Variants in PDXDC1 observed in about 807,000 individuals in gnomAD.
The protein encoded by PDXDC1 is pyridoxal dependent decarboxylase domain containing 1.
A neutral mutation model predicts 100.1 loss-of-function variants in PDXDC1; 42 were observed. The ratio of observed to expected loss-of-function variants is 0.42; its 90% CI spans 0.33 to 0.54. The LOEUF is 0.54. PDXDC1 is among the 20% of genes least tolerant of loss of function. The probability of loss-of-function intolerance (pLI) is 0.10; values close to 1 mark genes in which losing one functional copy is unlikely to be tolerated. For missense variants in PDXDC1, 636 were observed against 979.2 expected (o/e 0.65, Z 4.68); for synonymous variants, 260 against 371.7 (o/e 0.70, Z 3.46).
At chr16:15,040,909 G>C (rs531881092), downstream of PDXDC1, among the ~76,000 whole-genome samples, 2 of 152,298 alleles carry the variant, frequency 1.3e-5, no homozygotes, top group African/African-American at 4.8e-5. Context: ...GAGAAGTTAA[G>C]CTACTTGCCC....
At chr16:14,982,795 T>C (rs1268004209) in intron 1 of PDXDC1, among the ~76,000 whole-genome samples, 1 of 152,272 alleles carries the variant, frequency 6.6e-6, no homozygotes, top group African/African-American at 2.4e-5. Flanking sequence ...GTGTGGTGTT[T>C]GGGGAACTTG....
intron 11 of PDXDC1, 74 bp downstream of exon 11, chr16:15,017,496 A>G: frequency 9.8e-7 from 1 of 1,023,832 alleles, no homozygotes; most frequent in Non-Finnish European, 1.5e-6. Context: ...AAAATCCAGA[A>G]AAATACAGGA....
chr16:14,978,475 C>T (rs118071950), intron 1 of PDXDC1, among the ~76,000 whole-genome samples: 3,587 of 152,384 alleles, frequency 0.024, 46 homozygotes, highest in Non-Finnish European at 0.039. Flanking sequence ...CTGCAACGTC[C>T]GTCTCCAGGG....
In PDXDC1 at chr16:15,018,745, C is replaced by T. The variant is rs370543086; in HGVS notation, c.964-95C>T. On this transcript the variant is annotated intron_variant, in intron 11 of 22. Coordinates refer to ENST00000396410, the MANE Select transcript of PDXDC1 (RefSeq NM_015027.4). ...GCAAGCCTAGTGACTAGTATGGCAT[C>T]TAGCCCACACTAAGTGGGTAGCAAA... The T allele has an allele frequency of 1.1e-4, 114 of 1,069,510 alleles. No homozygotes were observed. The African/African-American group carries it at 1.1e-3, about 11-fold the overall frequency. The allele number at this position is 1,069,510 out of a possible 1,614,324, so 66.3% of individuals were successfully genotyped here.
In PDXDC1 at chr16:15,037,878, TTTGAAAGTCATTTG is replaced by T. The variant is rs1472155494; in HGVS notation, c.*1604_*1617del. The T allele has an allele frequency of 1.1e-5, 6 of 555,316 alleles. No homozygotes were observed. Among genetic ancestry groups the T allele is most frequent in the East Asian group, 5.8e-5 (2 of 34,454 alleles). 34.4% of individuals were successfully genotyped at this position (555,316 alleles called of 1,614,324 possible). A position where few individuals can be genotyped will look rare whatever the true frequency, so the allele number is the denominator to read the frequency against. On this transcript the variant is annotated 3_prime_UTR_variant, in exon 23 of 23. Transcript: ENST00000396410. ...TGCCTTTGCCAAAATAAGGTTTTAT[TTTGAAAGTCATTTG>T]ATGAAAGTCATTTGAAAGACACTGA...
chr16:15,051,498 C>T (rs563510883), intron 16 of PDXDC1, among the ~76,000 whole-genome samples: 8 of 151,224 alleles, frequency 5.3e-5, no homozygotes, highest in Admixed American at 4.6e-4. Flanking sequence ...AGGCATGAGC[C>T]GACACACCTG....
At chr16:15,075,853 C>T (rs954258977) in intron 16 of PDXDC1, among the ~76,000 whole-genome samples, 1 of 152,184 alleles carries the variant, frequency 6.6e-6, no homozygotes, top group African/African-American at 2.4e-5. Flanking sequence ...GCTGTGAGTA[C>T]TGGCGGCCAA....
intron 16 of PDXDC1, chr16:15,074,924 A>G: frequency 6.8e-7 from 1 of 1,467,124 alleles, no homozygotes; most frequent in Non-Finnish European, 9.3e-7. Context: ...TTTAGTAGGA[A>G]AACTGTCATA....
intron 16 of PDXDC1, chr16:15,130,302 T>A (rs1279216166): frequency 2.0e-6 from 3 of 1,533,750 alleles, no homozygotes; most frequent in Non-Finnish European, 2.6e-6. Context: ...CGAGGTCTCC[T>A]CCAGGGGCAG....
intron 9 of PDXDC1, 62 bp downstream of exon 9, chr16:15,016,275 G>A: frequency 6.3e-7 from 1 of 1,576,434 alleles, no homozygotes; most frequent in Non-Finnish European, 8.6e-7. Context: ...ATGAGGACTG[G>A]ACATCCAGGC....
rs888596345 is a variant in PDXDC1 at position 14,975,172 on chromosome 16, C to T, written c.-28C>T. The stretch of plus-strand genomic sequence containing the variant: ...GGGAGGAGGAAGTAGAGCCCGGGAC[C>T]GCCAGGCCACCACCGGCCGCCTCAG... On this transcript the variant is annotated 5_prime_UTR_variant, in exon 1 of 23. Transcript: ENST00000396410. 1.6e-5 allele frequency: 24 copies of T among 1,458,068 alleles called. No individual in the cohort carries two copies. Among genetic ancestry groups the T allele is most frequent in the Middle Eastern group, 2.5e-4 (1 of 4,032 alleles). The allele number at this position is 1,458,068 out of a possible 1,614,324, so 90.3% of individuals were successfully genotyped here.
At chr16:15,004,717 C>T (rs1174062276) in intron 5 of PDXDC1, among the ~76,000 whole-genome samples, 1 of 152,216 alleles carries the variant, frequency 6.6e-6, no homozygotes, top group African/African-American at 2.4e-5. Context: ...GGTTCTTGAC[C>T]TCCCATCCTC....
chr16:15,124,032 G>A (rs1303873582), intron 16 of PDXDC1, among the ~76,000 whole-genome samples: 4 of 152,062 alleles, frequency 2.6e-5, no homozygotes, highest in African/African-American at 7.2e-5. Context: ...CCAAATGAGG[G>A]GGAGAAAACC....
At chr16:15,046,505 G>A (rs1006125004) in intron 16 of PDXDC1, among the ~76,000 whole-genome samples, 15 of 152,184 alleles carry the variant, frequency 9.9e-5, no homozygotes, top group African/African-American at 2.6e-4. Context: ...TGGAGGCAGC[G>A]GCTACTTTAC....
downstream of PDXDC1, among the ~76,000 whole-genome samples, chr16:15,142,744 C>T (rs1295040386): frequency 2.0e-5 from 3 of 152,078 alleles, no homozygotes; most frequent in Non-Finnish European, 2.9e-5. Context: ...CCAGCCCCCC[C>T]ACCCCGCCCC....
intron 16 of PDXDC1, among the ~76,000 whole-genome samples, chr16:15,049,788 A>G (rs2044226575): frequency 6.6e-6 from 1 of 152,236 alleles, no homozygotes; most frequent in Non-Finnish European, 1.5e-5. Context: ...TAAATTGGGC[A>G]CAGAACCAAG....
intron 1 of PDXDC1, among the ~76,000 whole-genome samples, chr16:14,985,502 A>G (rs1212210514): frequency 2.6e-5 from 4 of 151,736 alleles, no homozygotes; most frequent in East Asian, 4.0e-4. Context: ...GTTAGCCAGG[A>G]TGGTCTCCAT....
At chr16:15,127,763 A>C (rs1402534466) in intron 16 of PDXDC1, 4 of 1,549,584 alleles carry the variant, frequency 2.6e-6, no homozygotes, top group Non-Finnish European at 3.5e-6. Context: ...AGAACGCAGC[A>C]GGTGGCCCTC....
At chr16:15,027,048 C>A (rs1193042374) in intron 14 of PDXDC1, among the ~76,000 whole-genome samples, 1 of 152,394 alleles carries the variant, frequency 6.6e-6, no homozygotes, top group East Asian at 1.9e-4. Context: ...AAAGAATGAC[C>A]CAAGTGCCAC....
Sources: gnomAD v4.1 joint callset for allele counts (sites outside exome capture counted in the v4.1 genomes callset) on GRCh38, gnomAD v4.1.1 for gene constraint, MANE v1.5 for transcripts, NCBI Gene and HGNC (gene_info 2026-07-23, HGNC 2026-07-21) for gene names.